Variants in FSTL5 observed in about 807,000 individuals in gnomAD.
The protein encoded by FSTL5 is follistatin like 5, also known as follistatin-related protein 5.
FSTL5 carries 62 observed loss-of-function variants against 89.1 expected under a neutral mutation model. That is an observed-to-expected ratio of 0.70 (90% confidence interval 0.57 to 0.86). The LOEUF (loss-of-function observed/expected upper bound fraction) is 0.86, where lower values mean the gene tolerates loss of function less well. Ranked by LOEUF, FSTL5 falls within the 40% of genes least tolerant of loss-of-function variation. FSTL5 has a pLI of 0.00. For synonymous variants in FSTL5, 383 were observed against 346.2 expected, an observed-to-expected ratio of 1.11 and a Z score of -1.18; for missense variants, 1,057 against 1,001.6, an observed-to-expected ratio of 1.06 and a Z score of -0.75.
chr4:161,791,718 G>C (rs777444786), intron 4 of FSTL5, among the ~76,000 whole-genome samples: 1 of 152,198 alleles, frequency 6.6e-6, no homozygotes, highest in Non-Finnish European at 1.5e-5. Flanking sequence ...AGTCTGATCT[G>C]ATTTGCTGAC....
At chr4:161,891,984 T>G (rs2110756429) in intron 4 of FSTL5, among the ~76,000 whole-genome samples, 1 of 152,194 alleles carries the variant, frequency 6.6e-6, no homozygotes, top group East Asian at 1.9e-4. Flanking sequence ...AATGACTAGC[T>G]TTGACAGTTT....
chr4:161,891,155 A>AT lies in FSTL5; in HGVS notation c.409+29248dup, dbSNP rs373656753. ...CTATGTATCTTGCTGCTTCTGAAGTATTTTTTTTCTTATGTTTTCCTATTT... is the reference window on the plus strand; with the variant it reads ...CTATGTATCTTGCTGCTTCTGAAGTATTTTTTTTTCTTATGTTTTCCTATTT... On this transcript the variant is annotated intron_variant, in intron 4 of 15. Coordinates refer to ENST00000306100, the MANE Select transcript of FSTL5 (RefSeq NM_020116.5). Among the ~76,000 whole-genome samples the AT allele has an allele frequency of 4.0e-4, 60 of 151,826 alleles. 1 individual carries two copies. The East Asian group carries it at 0.011, about 27-fold the overall frequency.
intron 4 of FSTL5, among the ~76,000 whole-genome samples, chr4:161,820,468 G>A (rs757809667): frequency 3.9e-5 from 6 of 152,140 alleles, no homozygotes; most frequent in Non-Finnish European, 7.4e-5. Flanking sequence ...ATATGTCATT[G>A]AAACATATAA....
chr4:161,893,399 C>T (rs542512508), intron 4 of FSTL5, among the ~76,000 whole-genome samples: 1 of 152,202 alleles, frequency 6.6e-6, no homozygotes, highest in South Asian at 2.1e-4. Context: ...ATATTCCATT[C>T]TAATATTTTA....
At chr4:161,920,885 C>T (rs1560917728) in intron 3 of FSTL5, among the ~76,000 whole-genome samples, 1 of 152,058 alleles carries the variant, frequency 6.6e-6, no homozygotes, top group African/African-American at 2.4e-5. Flanking sequence ...TCTTCTCCCT[C>T]CCCAGAGAAG....
At chr4:161,481,242 A>C (rs1484068830) in intron 12 of FSTL5, 73 bp from the exon 13 acceptor site, 1 of 1,181,222 alleles carries the variant, frequency 8.5e-7, no homozygotes, top group East Asian at 2.5e-5. Flanking sequence ...TCATGGGTAA[A>C]ATTAATGTTT....
chr4:161,757,721 C>T (rs1322842890), intron 6 of FSTL5, among the ~76,000 whole-genome samples: 3 of 152,018 alleles, frequency 2.0e-5, no homozygotes, highest in African/African-American at 7.2e-5. Context: ...TGGGTTCAAC[C>T]GATTCTCCTG....
At chr4:161,686,420 G>A (rs1487303010) in intron 6 of FSTL5, among the ~76,000 whole-genome samples, 4 of 126,780 alleles carry the variant, frequency 3.2e-5, no homozygotes, top group African/African-American at 9.2e-5. Flanking sequence ...GTGCAGTGGC[G>A]CAATCTCAGC....
intron 3 of FSTL5, among the ~76,000 whole-genome samples, chr4:162,021,812 G>T (rs1326947377): frequency 6.6e-6 from 1 of 151,874 alleles, no homozygotes; most frequent in African/African-American, 2.4e-5. Context: ...AGAAGTTATG[G>T]CTGGGCACGA....
intron 8 of FSTL5, among the ~76,000 whole-genome samples, chr4:161,581,071 A>T (rs1166748471): frequency 1.3e-5 from 2 of 152,198 alleles, no homozygotes; most frequent in African/African-American, 4.8e-5. Flanking sequence ...TTTTAAATCA[A>T]AATTAAAAGA....
At chr4:161,452,170 A>C (rs1273350261) in intron 15 of FSTL5, among the ~76,000 whole-genome samples, 1 of 152,126 alleles carries the variant, frequency 6.6e-6, no homozygotes, top group East Asian at 1.9e-4. Context: ...TACATGCTGA[A>C]TTTGCTTAGA....
chr4:161,892,162 A>G (rs1312205831), intron 4 of FSTL5, among the ~76,000 whole-genome samples: 1 of 152,030 alleles, frequency 6.6e-6, no homozygotes, highest in Non-Finnish European at 1.5e-5. Context: ...TCTCATTTCA[A>G]TAATATCATT....
chr4:162,020,935 T>C (rs1737060546), intron 3 of FSTL5, among the ~76,000 whole-genome samples: 1 of 152,144 alleles, frequency 6.6e-6, no homozygotes, highest in African/African-American at 2.4e-5. Flanking sequence ...AATTTTACTT[T>C]TTAAATGTTT....
intron 4 of FSTL5, among the ~76,000 whole-genome samples, chr4:161,843,079 C>A (rs2126873397): frequency 6.6e-6 from 1 of 152,104 alleles, no homozygotes; most frequent in East Asian, 1.9e-4. Context: ...TATCATTTTT[C>A]CAGAGACTTT....
chr4:161,658,859 C>T (rs1347617515), intron 6 of FSTL5, among the ~76,000 whole-genome samples: 2 of 152,152 alleles, frequency 1.3e-5, no homozygotes, highest in African/African-American at 4.8e-5. Context: ...AATGGGACAT[C>T]TGGTTCTAAA....
At chr4:161,456,433 T>A (rs370499572) in intron 14 of FSTL5, among the ~76,000 whole-genome samples, 39 of 152,304 alleles carry the variant, frequency 2.6e-4, no homozygotes, top group African/African-American at 8.7e-4. Flanking sequence ...TGCTTTCGTA[T>A]TTGACGAAGA....
At chr4:161,950,892 C>CATT (rs1471776413) in intron 3 of FSTL5, among the ~76,000 whole-genome samples, 1 of 151,836 alleles carries the variant, frequency 6.6e-6, no homozygotes, top group Non-Finnish European at 1.5e-5. Context: ...AATACTTGGC[C>CATT]ATTATTATTA....
At chr4:161,850,502 G>A (rs1039896491) in intron 4 of FSTL5, among the ~76,000 whole-genome samples, 22 of 152,158 alleles carry the variant, frequency 1.4e-4, no homozygotes, top group African/African-American at 4.8e-4. Context: ...GTGTGCGTAT[G>A]CTGGGTGAGG....
chr4:161,487,291 C>T (rs780054344), intron 12 of FSTL5, among the ~76,000 whole-genome samples: 3 of 152,068 alleles, frequency 2.0e-5, no homozygotes, highest in East Asian at 1.9e-4. Context: ...TACTCAATCA[C>T]GATGTTAAAC....
Sources: allele counts gnomAD v4.1 joint callset (sites outside exome capture counted in the v4.1 genomes callset), GRCh38; gene constraint gnomAD v4.1.1; transcripts MANE v1.5; gene names NCBI Gene and HGNC (gene_info 2026-07-23, HGNC 2026-07-21).